Variants in ATAD2 observed in about 807,000 individuals in gnomAD.
ATAD2 encodes the protein ATPase family AAA domain containing 2.
ATAD2 carries 62 observed loss-of-function variants against 168.9 expected under a neutral mutation model. That is an observed-to-expected ratio of 0.37 (90% CI 0.30 to 0.45). The LOEUF (loss-of-function observed/expected upper bound fraction) is 0.45. ATAD2 is among the 20% of genes least tolerant of loss of function. The pLI is 1.00. For synonymous variants in ATAD2, 613 were observed against 571.6 expected, an observed-to-expected ratio of 1.07 and a Z score of -1.03; for missense variants, 1,419 against 1,667.8, an observed-to-expected ratio of 0.85 and a Z score of 2.60.
chr8:123,328,066 A>G (rs1393985349), intron 25 of ATAD2, 124 bp downstream of exon 25: 1 of 743,702 alleles, frequency 1.3e-6, no homozygotes, highest in Non-Finnish European at 1.9e-6. Context: ...ATTGTTTTCT[A>G]ATTAACTAAC....
At position 123,346,175 on chromosome 8, in the gene ATAD2, G is replaced by T; in HGVS notation, c.2443C>A (p.His815Asn). 1.9e-6 allele frequency: 3 copies of T among 1,613,258 alleles called. No homozygotes were observed. Among genetic ancestry groups the T allele is most frequent in the Non-Finnish European group, 2.5e-6 (3 of 1,179,536 alleles). ...TATACAGTAAACTTTTCCAAAGCATGAATGACAGCTGGTGCCAAGTGAGAA... is the reference window on the plus strand; with the variant it reads ...TATACAGTAAACTTTTCCAAAGCATTAATGACAGCTGGTGCCAAGTGAGAA... ...QGSHLAPAVIHALEKFTVYTL... is the reference protein window; with the variant it reads ...QGSHLAPAVINALEKFTVYTL... The change falls in exon 18 of 28, where the codon CAT (histidine) becomes AAT (asparagine). Residue 815 changes from histidine (H) to asparagine (N), a missense_variant. Physicochemically the swap from His to Asn is moderately conservative, Grantham distance 68. This residue lies in a region of ATAD2 where 545 missense variants were observed against 724.9 expected (regional missense o/e 0.75). Coordinates refer to ENST00000287394, the MANE Select transcript of ATAD2 (RefSeq NM_014109.4).
intron 24 of ATAD2, among the ~76,000 whole-genome samples, chr8:123,331,466 T>C (rs1411257260): frequency 1.3e-5 from 2 of 149,930 alleles, no homozygotes; most frequent in Non-Finnish European, 3.0e-5. Flanking sequence ...TCTCAAACTC[T>C]TGATCTCAAG....
intron 24 of ATAD2, among the ~76,000 whole-genome samples, chr8:123,332,823 T>A (rs1428807558): frequency 7.5e-6 from 1 of 133,208 alleles, no homozygotes; most frequent in Non-Finnish European, 1.6e-5. Context: ...TATCAAACGA[T>A]TGTTTTAAGG....
At chr8:123,394,913 G>C (rs1812756594) in intron 1 of ATAD2, among the ~76,000 whole-genome samples, 1 of 152,202 alleles carries the variant, frequency 6.6e-6, no homozygotes, top group South Asian at 2.1e-4. Flanking sequence ...GAGACTGAAG[G>C]GAGTGTAGTT....
At chr8:123,333,079 A>C (rs1011919709) in intron 24 of ATAD2, among the ~76,000 whole-genome samples, 3 of 151,782 alleles carry the variant, frequency 2.0e-5, no homozygotes, top group African/African-American at 7.3e-5. Context: ...TAACACACAC[A>C]CAGAGATCTA....
At chr8:123,378,798 G>A (rs1033546850) in intron 2 of ATAD2, among the ~76,000 whole-genome samples, 1 of 148,322 alleles carries the variant, frequency 6.7e-6, no homozygotes, top group Non-Finnish European at 1.5e-5. Context: ...ATGAGAAGAA[G>A]TAATGTAAAA....
At chr8:123,401,251 G>C, upstream of ATAD2, 1 of 957,470 alleles carries the variant, frequency 1.0e-6, no homozygotes, top group Non-Finnish European at 1.7e-6. Context: ...TGCCCTCACC[G>C]ACCTGAAGAA....
intron 13 of ATAD2, among the ~76,000 whole-genome samples, chr8:123,353,623 G>A (rs1057071074): frequency 1.3e-5 from 2 of 151,164 alleles, no homozygotes; most frequent in South Asian, 2.1e-4. Context: ...TGTCTTGATC[G>A]TTTCTGCTTC....
chr8:123,359,934 C>A (rs962896367), intron 9 of ATAD2, among the ~76,000 whole-genome samples: 1 of 152,110 alleles, frequency 6.6e-6, no homozygotes, highest in African/African-American at 2.4e-5. Flanking sequence ...CAAGATGCCA[C>A]AGGCACCATA....
intron 1 of ATAD2, among the ~76,000 whole-genome samples, chr8:123,388,717 C>CG (rs956451080): frequency 1.2e-4 from 18 of 146,900 alleles, no homozygotes; most frequent in Admixed American, 1.4e-4. Context: ...ATGGTGGGGG[C>CG]GGGGGGGTGG....
chr8:123,373,910 T>TG (rs1829231801), intron 2 of ATAD2, among the ~76,000 whole-genome samples: 1 of 152,184 alleles, frequency 6.6e-6, no homozygotes, highest in East Asian at 1.9e-4. Flanking sequence ...ATCAAGCTAT[T>TG]TGCAAGTGGG....
intron 1 of ATAD2, among the ~76,000 whole-genome samples, chr8:123,381,448 C>T (rs1192701318): frequency 6.6e-6 from 1 of 151,992 alleles, no homozygotes; most frequent in Non-Finnish European, 1.5e-5. Context: ...TTGCAGTGAC[C>T]CGTGATCGCG....
intron 2 of ATAD2, among the ~76,000 whole-genome samples, chr8:123,378,815 CTT>C (rs529060157): frequency 5.8e-5 from 8 of 137,854 alleles, no homozygotes; most frequent in Non-Finnish European, 6.3e-5. Context: ...AAAAACGATT[CTT>C]TTTTTTTTTT....
chr8:123,349,929 T>TA (rs1264754731), intron 13 of ATAD2, among the ~76,000 whole-genome samples: 1 of 150,416 alleles, frequency 6.6e-6, no homozygotes, highest in East Asian at 1.9e-4. Context: ...CCTGTAGTCC[T>TA]ACTACTTGGG....
chr8:123,326,753 G>A (rs929468526), intron 25 of ATAD2, among the ~76,000 whole-genome samples: 1 of 152,190 alleles, frequency 6.6e-6, no homozygotes, highest in Non-Finnish European at 1.5e-5. Context: ...TTGAGTAGTT[G>A]TCACAGAGAC....
intron 1 of ATAD2, among the ~76,000 whole-genome samples, chr8:123,408,568 G>A (rs996283958): frequency 6.6e-6 from 1 of 152,140 alleles, no homozygotes; most frequent in African/African-American, 2.4e-5. Context: ...CCAGGCTGGA[G>A]TGCAATGGCA....
At chr8:123,321,987 C>CTTTTTTTTT (rs869048943) in intron 27 of ATAD2, among the ~76,000 whole-genome samples, 1 of 136,486 alleles carries the variant, frequency 7.3e-6, no homozygotes, top group African/African-American at 2.8e-5. Flanking sequence ...GTACATAAGT[C>CTTTTTTTTT]TTTTTTTTTT....
In ATAD2 at chr8:123,372,007, C is replaced by A. The variant is rs796532906; in HGVS notation, c.371-172G>T. On this transcript the variant is annotated intron_variant, in intron 3 of 27. Transcript: ENST00000287394. Reference sequence around the variant, plus strand: ...AACAAAAATAAAGTTAAAACATACACCTACCATAAGATTGAGCCCACCTAC... The same window carrying A: ...AACAAAAATAAAGTTAAAACATACAACTACCATAAGATTGAGCCCACCTAC... Among the ~76,000 whole-genome samples the A allele has an allele frequency of 1.4e-4, 21 of 152,152 alleles. 1 individual carries two copies. Among genetic ancestry groups the A allele is most frequent in the African/African-American group, 4.6e-4 (19 of 41,496 alleles).
chr8:123,396,742 A>G (rs987890798), upstream of ATAD2, among the ~76,000 whole-genome samples: 1 of 152,070 alleles, frequency 6.6e-6, no homozygotes, highest in Non-Finnish European at 1.5e-5. Flanking sequence ...TTGGCGCGGG[A>G]CGGCGGCGGG....
Sources: gnomAD v4.1 joint callset for allele counts (sites outside exome capture counted in the v4.1 genomes callset) on GRCh38, gnomAD v4.1.1 for gene constraint, gnomAD v4.1.1 regional missense constraint, MANE v1.5 for transcripts, NCBI Gene and HGNC (gene_info 2026-07-23, HGNC 2026-07-21) for gene names.